The following CNTNAP3B variants were observed in gnomAD, a reference collection of about 807,000 sequenced individuals.
The protein encoded by CNTNAP3B is contactin-associated protein-like 3B.
CNTNAP3B carries 25 observed loss-of-function variants against 108.9 expected under a neutral mutation model. The ratio of observed to expected loss-of-function variants is 0.23; its 90% CI spans 0.17 to 0.32. The LOEUF is 0.32. Among genes scored for constraint, CNTNAP3B ranks in the 10% least tolerant of loss-of-function variants. The probability of loss-of-function intolerance (pLI) is 1.00; values close to 1 mark genes in which losing one functional copy is unlikely to be tolerated. For synonymous variants in CNTNAP3B, 103 were observed against 473.4 expected, an observed-to-expected ratio of 0.22 and a Z score of 10.16; for missense variants, 252 against 1,210.4, an observed-to-expected ratio of 0.21 and a Z score of 11.75.
chr9:41,953,514 G>C (rs1472695465), intron 12 of CNTNAP3B, 128 bp from the exon 13 acceptor site: 6 of 994,056 alleles, frequency 6.0e-6, no homozygotes, highest in Non-Finnish European at 4.5e-6. Flanking sequence ...GCCGCGATTT[G>C]AGGAGTTGGA....
intron 3 of CNTNAP3B, among the ~76,000 whole-genome samples, chr9:42,058,232 T>C (rs1277802026): frequency 8.1e-4 from 123 of 152,112 alleles, no homozygotes; most frequent in Middle Eastern, 3.4e-3. Context: ...ACATACACAA[T>C]AGTGGGATTG....
At position 41,940,755 on chromosome 9, in the gene CNTNAP3B, C is replaced by T. The variant is rs1478840449; in HGVS notation, c.2081-2355G>A. Among the ~76,000 whole-genome samples, 507 of 151,398 alleles carry T rather than the reference C, an allele frequency of 3.3e-3. 1 individual carries two copies. Among genetic ancestry groups the T allele is most frequent in the African/African-American group, 0.012 (489 of 40,778 alleles). ...GCGTGAACCCGGGAGGCGGAGCCTG[C>T]AGTGAGCCGAGATTGTGCCACTGCA... On this transcript the variant is annotated intron_variant, in intron 13 of 23. Transcript: ENST00000377561.
intron 1 of CNTNAP3B, among the ~76,000 whole-genome samples, chr9:42,125,438 C>A (rs1195855172): frequency 1.4e-5 from 2 of 141,936 alleles, no homozygotes; most frequent in African/African-American, 5.5e-5. Context: ...GGCCTCCCCA[C>A]TACCCAGCAT....
chr9:42,044,753 A>C (rs1007903305), intron 3 of CNTNAP3B, among the ~76,000 whole-genome samples: 7 of 142,300 alleles, frequency 4.9e-5, no homozygotes, highest in South Asian at 4.5e-4. Context: ...GAAAAGGAAA[A>C]GGATAAAGCC....
At chr9:41,941,264 C>A (rs1824334117) in intron 13 of CNTNAP3B, among the ~76,000 whole-genome samples, 2 of 148,226 alleles carry the variant, frequency 1.3e-5, no homozygotes, top group Non-Finnish European at 3.0e-5. Flanking sequence ...TAGATGCTGG[C>A]AGAATCAACT....
intron 13 of CNTNAP3B, among the ~76,000 whole-genome samples, chr9:41,945,797 G>GAAC (rs912112909): frequency 6.6e-6 from 1 of 152,228 alleles, no homozygotes; most frequent in African/African-American, 2.4e-5. Flanking sequence ...CTGTCAGAGT[G>GAAC]AACAACAACA....
At chr9:41,925,271 A>G (rs1389902906) in intron 15 of CNTNAP3B, among the ~76,000 whole-genome samples, 12 of 150,614 alleles carry the variant, frequency 8.0e-5, no homozygotes, top group African/African-American at 2.7e-4. Context: ...TTCCTTCCAC[A>G]TTAATTGGTT....
rs1224092064 is a variant in CNTNAP3B at position 42,049,454 on chromosome 9, AC to A, written c.390+27414del. Among the ~76,000 whole-genome samples the A allele has an allele frequency of 1.5e-4, 20 of 133,130 alleles. 1 individual carries two copies. Among genetic ancestry groups the A allele is most frequent in the African/African-American group, 5.8e-4 (19 of 32,908 alleles). 87.3% of individuals were successfully genotyped at this position (133,130 alleles called of 152,430 possible). ...GTAGCCAAATCCTCAATGTCGGCAT[AC>A]CTGCAGATGCTAATTCTAGGTCAGT... On this transcript the variant is annotated intron_variant, in intron 3 of 23. Transcript: ENST00000377561.
chr9:41,970,988 A>G (rs1167951666), intron 9 of CNTNAP3B, among the ~76,000 whole-genome samples: 1 of 151,380 alleles, frequency 6.6e-6, no homozygotes. Context: ...AGAAAGAGAT[A>G]AAATAGACAT....
chr9:41,964,831 T>A lies in CNTNAP3B; in HGVS notation c.1650-187A>T, dbSNP rs1262190765. Among the ~76,000 whole-genome samples the A allele has an allele frequency of 5.3e-5, 8 of 152,360 alleles. No homozygotes were observed. In the East Asian group the frequency reaches 1.5e-3, roughly 29 times the overall value. Reference sequence around the variant, plus strand: ...CTTTAGATAAATATATCCATTAGCATGCAGCTGATTATTAGGTTTCTGTGA... The same window carrying A: ...CTTTAGATAAATATATCCATTAGCAAGCAGCTGATTATTAGGTTTCTGTGA... On this transcript the variant is annotated intron_variant, in intron 10 of 23. Transcript: ENST00000377561.
intron 3 of CNTNAP3B, among the ~76,000 whole-genome samples, chr9:42,025,044 C>G (rs2118461555): frequency 6.9e-6 from 1 of 144,624 alleles, no homozygotes; most frequent in East Asian, 2.1e-4. Context: ...ACACTGCAGT[C>G]TTAAGTTCTT....
At chr9:41,916,371 G>T (rs1823517271) in intron 18 of CNTNAP3B, among the ~76,000 whole-genome samples, 1 of 148,324 alleles carries the variant, frequency 6.7e-6, no homozygotes, top group Non-Finnish European at 1.5e-5. Flanking sequence ...TAAGAAATAT[G>T]ACATTATACT....
In CNTNAP3B at chr9:42,069,934, GA is replaced by G. The variant is rs1474408563; in HGVS notation, c.390+6934del. ...AGTCTCTCACTCCTTTGCTATTGTAGAAATGGAGTTAGGAAACAAGGTGAAA... is the reference window on the plus strand; with the variant it reads ...AGTCTCTCACTCCTTTGCTATTGTAGAATGGAGTTAGGAAACAAGGTGAAA... On this transcript the variant is annotated intron_variant, in intron 3 of 23. Transcript: ENST00000377561. Among the ~76,000 whole-genome samples the G allele has an allele frequency of 3.0e-5, 3 of 100,468 alleles. No homozygotes were observed. In the Admixed American group the frequency reaches 3.2e-4, roughly 11 times the overall value. 65.9% of individuals were successfully genotyped at this position (100,468 alleles called of 152,430 possible).
chr9:42,066,571 C>T lies in CNTNAP3B; in HGVS notation c.390+10298G>A, dbSNP rs1406289501. Among the ~76,000 whole-genome samples the T allele has an allele frequency of 1.9e-4, 24 of 127,392 alleles. 3 individuals carry two copies. The highest frequency in any genetic ancestry group is 4.9e-4 in the East Asian group (2 of 4,072). The allele number at this position is 127,392 out of a possible 152,430, so 83.6% of individuals were successfully genotyped here. On this transcript the variant is annotated intron_variant, in intron 3 of 23. Transcript: ENST00000377561. ...CCTTCCGAGTAGCTGGGATTACAGGCGCCTGCCACCACATCTGGCTAATTT... is the reference window on the plus strand; with the variant it reads ...CCTTCCGAGTAGCTGGGATTACAGGTGCCTGCCACCACATCTGGCTAATTT...
At position 41,953,353 on chromosome 9, in the gene CNTNAP3B, C is replaced by A. The variant is rs754466280; in HGVS notation, c.1910G>T (p.Gly637Val). 35 of 1,552,660 alleles carry A rather than the reference C, an allele frequency of 2.3e-5. No homozygotes were observed. Among genetic ancestry groups the A allele is most frequent in the Non-Finnish European group, 2.9e-5 (34 of 1,155,390 alleles). ...DSAWTVVRHG[G>V]PDAVTLRGAP... ...ACCTCGGAGGGTCACCGCGTCGGGGCCACCGTGCCGCACCACCGTCCACGC... is the reference window on the plus strand; with the variant it reads ...ACCTCGGAGGGTCACCGCGTCGGGGACACCGTGCCGCACCACCGTCCACGC... The change falls in exon 13 of 24, where the codon GGC becomes GTC. Residue 637 changes from glycine to valine, a missense_variant. Transcript: ENST00000377561.
intron 15 of CNTNAP3B, among the ~76,000 whole-genome samples, chr9:41,927,390 G>GC (rs1554737856): frequency 7.3e-6 from 1 of 136,700 alleles, no homozygotes; most frequent in Non-Finnish European, 1.6e-5. Flanking sequence ...TACTGAGAAA[G>GC]AAAAAAAGAA....
chr9:41,941,416 G>A (rs1210579801), intron 13 of CNTNAP3B, among the ~76,000 whole-genome samples: 1 of 150,378 alleles, frequency 6.6e-6, no homozygotes, highest in African/African-American at 2.5e-5. Flanking sequence ...TCATAAAATA[G>A]ACTTCAGAAC....
At chr9:41,940,883 A>C (rs1280065697) in intron 13 of CNTNAP3B, among the ~76,000 whole-genome samples, 1 of 152,294 alleles carries the variant, frequency 6.6e-6, no homozygotes, top group Admixed American at 6.5e-5. Context: ...TCGCTAGCAG[A>C]CATTCCCTAA....
rs535464011 is a variant in CNTNAP3B at position 42,003,050 on chromosome 9, T to C, written c.539-4446A>G. Among the ~76,000 whole-genome samples, 73 of 127,736 alleles carry C rather than the reference T, an allele frequency of 5.7e-4. 1 individual carries two copies. The highest frequency in any genetic ancestry group is 3.9e-3 in the Middle Eastern group (1 of 258). 83.8% of individuals were successfully genotyped at this position (127,736 alleles called of 152,430 possible). A position where few individuals can be genotyped will look rare whatever the true frequency, so the allele number is the denominator to read the frequency against. On this transcript the variant is annotated intron_variant, in intron 4 of 23. Transcript: ENST00000377561. ...TATAGGCATGCACTACAATGCCTGG[T>C]TAATTTTTTACTTTTTTTCTAGAGA...
Sources: allele counts gnomAD v4.1 joint callset (sites outside exome capture counted in the v4.1 genomes callset), GRCh38; gene constraint gnomAD v4.1.1; transcripts MANE v1.5; gene names NCBI Gene and HGNC (gene_info 2026-07-23, HGNC 2026-07-21).